The following PTPRD variants were observed in gnomAD, a reference collection of about 807,000 sequenced individuals.
The protein encoded by PTPRD is protein tyrosine phosphatase receptor type D.
A neutral mutation model predicts 214.5 loss-of-function variants in PTPRD; 34 were observed. The ratio of observed to expected loss-of-function variants is 0.16; its 90% CI spans 0.12 to 0.21. PTPRD has a LOEUF of 0.21. Ranked by LOEUF, PTPRD falls within the 10% of genes least tolerant of loss-of-function variation. The pLI is 1.00. For missense variants in PTPRD, 2,545 were observed against 2,398.7 expected (o/e 1.06, Z -1.27); for synonymous variants, 1,128 against 845.7 (o/e 1.33, Z -5.79).
chr9:8,873,198 T>C (rs904722547), intron 11 of PTPRD, among the ~76,000 whole-genome samples: 2 of 152,136 alleles, frequency 1.3e-5, no homozygotes, highest in Admixed American at 1.3e-4. Context: ...AGTACCCAGC[T>C]CTTCAAAGAC....
At chr9:9,855,887 T>C (rs2061464698) in intron 5 of PTPRD, among the ~76,000 whole-genome samples, 2 of 152,212 alleles carry the variant, frequency 1.3e-5, no homozygotes, top group Admixed American at 1.3e-4. Context: ...GTGGGTCATC[T>C]GCCTTTTCAT....
At chr9:9,034,838 T>G (rs1045776089) in intron 10 of PTPRD, among the ~76,000 whole-genome samples, 1 of 152,190 alleles carries the variant, frequency 6.6e-6, no homozygotes, top group African/African-American at 2.4e-5. Context: ...CACCACTCAA[T>G]GAATGCTACT....
intron 5 of PTPRD, among the ~76,000 whole-genome samples, chr9:9,824,394 T>C (rs2051930746): frequency 6.6e-6 from 1 of 152,054 alleles, no homozygotes; most frequent in Non-Finnish European, 1.5e-5. Context: ...TGCTGTTTAC[T>C]TGAGAACTAA....
intron 5 of PTPRD, among the ~76,000 whole-genome samples, chr9:9,838,703 C>CG (rs1263784175): frequency 6.9e-6 from 1 of 144,372 alleles, no homozygotes; most frequent in Admixed American, 7.3e-5. Flanking sequence ...AATTTTCTCC[C>CG]ATTTTTTTAG....
chr9:8,477,457 T>G (rs532249566), intron 30 of PTPRD, among the ~76,000 whole-genome samples: 24 of 152,314 alleles, frequency 1.6e-4, no homozygotes, highest in Admixed American at 1.4e-3. Flanking sequence ...TTCCCCATAA[T>G]TATATGAGAA....
intron 5 of PTPRD, among the ~76,000 whole-genome samples, chr9:9,788,386 C>G (rs936123752): frequency 2.0e-5 from 3 of 151,066 alleles, no homozygotes; most frequent in African/African-American, 7.3e-5. Flanking sequence ...CCCGTCCCTA[C>G]TAAAAATACA....
chr9:9,254,500 A>C (rs4409449), intron 9 of PTPRD, among the ~76,000 whole-genome samples: 54,476 of 151,888 alleles, frequency 0.36, 9,944 homozygotes, highest in East Asian at 0.41. Flanking sequence ...TTGTAGTTAT[A>C]TATGATTTTT....
intron 4 of PTPRD, among the ~76,000 whole-genome samples, chr9:10,009,880 G>C (rs2096561365): frequency 1.3e-5 from 2 of 151,910 alleles, no homozygotes; most frequent in South Asian, 4.1e-4. Context: ...TGTTCTGTCA[G>C]TCTTAAGACC....
intron 7 of PTPRD, among the ~76,000 whole-genome samples, chr9:9,620,619 C>T (rs1593247956): frequency 6.6e-6 from 1 of 151,952 alleles, no homozygotes; most frequent in Non-Finnish European, 1.5e-5. Flanking sequence ...CAAGTTTGAC[C>T]TTTCAACATC....
intron 36 of PTPRD, among the ~76,000 whole-genome samples, chr9:8,391,284 A>C (rs1162073863): frequency 6.6e-6 from 1 of 152,170 alleles, no homozygotes; most frequent in African/African-American, 2.4e-5. Flanking sequence ...AATCAGATGG[A>C]AACTACTGCA....
At chr9:10,408,275 TA>T (rs1169435756) in intron 2 of PTPRD, among the ~76,000 whole-genome samples, 6 of 151,616 alleles carry the variant, frequency 4.0e-5, no homozygotes, top group African/African-American at 1.2e-4. Context: ...GGTTATGGGC[TA>T]AATTCTGCTT....
intron 4 of PTPRD, among the ~76,000 whole-genome samples, chr9:9,983,610 A>G (rs1280707160): frequency 5.9e-5 from 9 of 152,192 alleles, no homozygotes; most frequent in Non-Finnish European, 1.2e-4. Flanking sequence ...CAAAACGTAC[A>G]CTCACATACA....
chr9:10,189,358 C>G (rs569627615), intron 3 of PTPRD, among the ~76,000 whole-genome samples: 1 of 152,222 alleles, frequency 6.6e-6, no homozygotes, highest in African/African-American at 2.4e-5. Context: ...GTCTTTCATC[C>G]TCAAGGAAGC....
chr9:9,787,772 T>TTTATTATTATTATTATTATTA (rs373362978), intron 5 of PTPRD, among the ~76,000 whole-genome samples: 119 of 149,138 alleles, frequency 8.0e-4, no homozygotes, highest in South Asian at 6.5e-3. Flanking sequence ...CAATTTTTTA[T>TTTATTATTATTATTATTATTA]TTATTATTAT....
At chr9:8,613,221 A>T (rs776638496) in intron 14 of PTPRD, among the ~76,000 whole-genome samples, 1 of 152,192 alleles carries the variant, frequency 6.6e-6, no homozygotes, top group Non-Finnish European at 1.5e-5. Context: ...AAAAAAGCAC[A>T]TGTAGATTAA....
chr9:8,589,815 G>A (rs1440108307), intron 14 of PTPRD, among the ~76,000 whole-genome samples: 1 of 152,166 alleles, frequency 6.6e-6, no homozygotes, highest in Non-Finnish European at 1.5e-5. Flanking sequence ...TACACAACCT[G>A]TTATAATGTT....
chr9:9,717,350 A>T (rs2097853353), intron 7 of PTPRD, among the ~76,000 whole-genome samples: 1 of 152,266 alleles, frequency 6.6e-6, no homozygotes, highest in South Asian at 2.1e-4. Flanking sequence ...TTTTGGTTCC[A>T]TATGAACTTT....
chr9:9,508,237 G>GT (rs1295336815), intron 8 of PTPRD, among the ~76,000 whole-genome samples: 8 of 151,368 alleles, frequency 5.3e-5, no homozygotes, highest in African/African-American at 1.9e-4. Context: ...TTGGAACACT[G>GT]TATCTATTTT....
chr9:10,055,727 G>C (rs1445433205), intron 3 of PTPRD, among the ~76,000 whole-genome samples: 1 of 151,812 alleles, frequency 6.6e-6, no homozygotes, highest in Admixed American at 6.6e-5. Flanking sequence ...TTTGCAAAGA[G>C]GGCTGCACCC....
Sources: allele counts gnomAD v4.1 joint callset (sites outside exome capture counted in the v4.1 genomes callset), GRCh38; gene constraint gnomAD v4.1.1; transcripts MANE v1.5; gene names NCBI Gene and HGNC (gene_info 2026-07-23, HGNC 2026-07-21).